Variants in SH3RF3 observed in about 807,000 individuals in gnomAD.
SH3RF3 encodes the protein E3 ubiquitin-protein ligase SH3RF3.
A neutral mutation model predicts 66.3 loss-of-function variants in SH3RF3; 29 were observed. That is an observed-to-expected ratio of 0.44 (90% CI 0.33 to 0.60). The LOEUF is 0.60. Ranked by LOEUF, SH3RF3 falls within the 20% of genes least tolerant of loss-of-function variation. The pLI is 0.04. For synonymous variants in SH3RF3, 583 were observed against 532.0 expected, an observed-to-expected ratio of 1.10 and a Z score of -1.32; for missense variants, 1,194 against 1,190.9, an observed-to-expected ratio of 1.00 and a Z score of -0.04.
intron 1 of SH3RF3, among the ~76,000 whole-genome samples, chr2:109,195,924 T>C (rs1409576744): frequency 6.6e-6 from 1 of 152,192 alleles, no homozygotes. Context: ...CATTACTGAC[T>C]GAGCACCTCG....
intron 8 of SH3RF3, among the ~76,000 whole-genome samples, chr2:109,452,369 G>GT (rs1455351447): frequency 6.6e-6 from 1 of 152,170 alleles, no homozygotes; most frequent in Non-Finnish European, 1.5e-5. Context: ...TATGGCAAAG[G>GT]TTTTTTAAAG....
rs1677423288 is a variant in SH3RF3, at chr2:109,437,058, G to A, written c.1740G>A (p.Gln580=). 5.6e-6 allele frequency: 9 copies of A among 1,613,398 alleles called. No individual in the cohort carries two copies. Among genetic ancestry groups the A allele is most frequent in the African/African-American group, 5.3e-5 (4 of 74,772 alleles). The change falls in exon 7 of 10, where the codon CAG becomes CAA. Residue 580 remains glutamine, a synonymous_variant. Transcript: ENST00000309415. ...LPITTPQAHA[Q]HPTASPPTGS... is the part of the protein sequence containing the mutation. Reference sequence around the variant, plus strand: ...TCACCACTCCCCAGGCCCACGCCCAGCACCCCACAGCCTCGCCCCCAACAG... The same window carrying A: ...TCACCACTCCCCAGGCCCACGCCCAACACCCCACAGCCTCGCCCCCAACAG...
At chr2:109,145,265 G>A (rs555278209) in intron 1 of SH3RF3, among the ~76,000 whole-genome samples, 27 of 152,244 alleles carry the variant, frequency 1.8e-4, no homozygotes, top group South Asian at 1.7e-3. Context: ...CTGTGGCCCC[G>A]GTGATTGTCT....
chr2:109,265,738 A>G (rs1229457069), intron 1 of SH3RF3, among the ~76,000 whole-genome samples: 2 of 152,244 alleles, frequency 1.3e-5, no homozygotes, highest in Non-Finnish European at 2.9e-5. Context: ...CAGGGTTTTT[A>G]TCAATAAAAA....
rs181921668 is a variant in SH3RF3, at chr2:109,297,394, A to G, written c.574-50280A>G. On this transcript the variant is annotated intron_variant, in intron 1 of 9. Transcript: ENST00000309415. ...GAGGAGAGATTCTGCCCCCCAGGGGAGCAGCCCACATAGCCGCCTGCAAGA... is the reference window on the plus strand; with the variant it reads ...GAGGAGAGATTCTGCCCCCCAGGGGGGCAGCCCACATAGCCGCCTGCAAGA... Among the ~76,000 whole-genome samples, 844 of 152,156 alleles carry G rather than the reference A, an allele frequency of 5.5e-3. 23 individuals carry two copies. Among genetic ancestry groups the G allele is most frequent in the Admixed American group, 0.049 (743 of 15,290 alleles).
rs1314056107 is a variant in SH3RF3 at position 109,320,435 on chromosome 2, C to T, written c.574-27239C>T. On this transcript the variant is annotated intron_variant, in intron 1 of 9. Coordinates refer to ENST00000309415, the MANE Select transcript of SH3RF3 (RefSeq NM_001099289.3). ...TCCTTCCTGCTGGAACCACCGCAGG[C>T]GCCCATCCTCGGCAGTGAGCCACAA... is the stretch of plus-strand genomic sequence containing the variant. Among the ~76,000 whole-genome samples the T allele has an allele frequency of 5.3e-5, 8 of 152,280 alleles. No homozygotes were observed. In the East Asian group the frequency reaches 5.8e-4, roughly 11 times the overall value.
chr2:109,214,779 G>A (rs1416621173), intron 1 of SH3RF3, among the ~76,000 whole-genome samples: 1 of 152,196 alleles, frequency 6.6e-6, no homozygotes, highest in East Asian at 1.9e-4. Flanking sequence ...TCACCCCTCT[G>A]GACTTGCGTC....
At chr2:109,226,409 G>A (rs984008540) in intron 1 of SH3RF3, among the ~76,000 whole-genome samples, 2 of 152,188 alleles carry the variant, frequency 1.3e-5, no homozygotes, top group African/African-American at 4.8e-5. Context: ...AGGAACTGGA[G>A]CCATGTGAGG....
At chr2:109,357,794 C>A (rs182018672) in intron 2 of SH3RF3, among the ~76,000 whole-genome samples, 1 of 152,148 alleles carries the variant, frequency 6.6e-6, no homozygotes, top group Non-Finnish European at 1.5e-5. Flanking sequence ...AAGTTCACAG[C>A]AAAATTGAGC....
At chr2:109,136,563 C>T (rs1336054910) in intron 1 of SH3RF3, among the ~76,000 whole-genome samples, 3 of 152,128 alleles carry the variant, frequency 2.0e-5, no homozygotes, top group African/African-American at 4.8e-5. Flanking sequence ...TTAGGCTCTC[C>T]TGGCCCTTGA....
chr2:109,413,039 G>A (rs865825483), intron 4 of SH3RF3, among the ~76,000 whole-genome samples: 15 of 152,186 alleles, frequency 9.9e-5, no homozygotes, highest in Admixed American at 2.0e-4. Context: ...AGGAGTGCAG[G>A]TTTTTCGTAT....
intron 1 of SH3RF3, among the ~76,000 whole-genome samples, chr2:109,179,003 ATG>A (rs56236635): frequency 1.1e-3 from 161 of 142,148 alleles, no homozygotes; most frequent in Middle Eastern, 3.7e-3. Context: ...AAGTATAATA[ATG>A]TGTGTGTGTG....
intron 1 of SH3RF3, among the ~76,000 whole-genome samples, chr2:109,161,472 C>T (rs888525438): frequency 6.6e-5 from 10 of 152,032 alleles, no homozygotes. Context: ...CTCCCTGGAG[C>T]ATGGTTGGGT....
At chr2:109,349,771 C>T (rs1356497405) in intron 2 of SH3RF3, among the ~76,000 whole-genome samples, 1 of 152,238 alleles carries the variant, frequency 6.6e-6, no homozygotes. Flanking sequence ...AGGCCTGCTT[C>T]TCTGGGCAGA....
intron 4 of SH3RF3, among the ~76,000 whole-genome samples, chr2:109,414,833 A>G (rs926484734): frequency 6.6e-5 from 10 of 152,158 alleles, no homozygotes; most frequent in African/African-American, 2.2e-4. Flanking sequence ...TCCTCCCTCA[A>G]CGTCCTTCAG....
intron 8 of SH3RF3, among the ~76,000 whole-genome samples, chr2:109,454,798 C>T (rs1677992337): frequency 6.6e-6 from 1 of 152,048 alleles, no homozygotes; most frequent in Non-Finnish European, 1.5e-5. Context: ...CATCTCGAAG[C>T]CTTAGGTCGA....
At chr2:109,444,836 C>T (rs1461397020) in intron 7 of SH3RF3, among the ~76,000 whole-genome samples, 1 of 152,044 alleles carries the variant, frequency 6.6e-6, no homozygotes, top group Non-Finnish European at 1.5e-5. Context: ...CCAATAAACT[C>T]AAGAGATAGG....
chr2:109,437,066 C>G lies in SH3RF3; in HGVS notation c.1748C>G (p.Thr583Arg), dbSNP rs748494139. 2 of 1,613,714 alleles carry G rather than the reference C, an allele frequency of 1.2e-6. No individual in the cohort carries two copies. The highest frequency in any genetic ancestry group is 1.7e-6 in the Non-Finnish European group (2 of 1,179,868). Residue 583 changes from threonine to arginine, a missense_variant, in exon 7 of 10, where the codon ACA becomes AGA. By Grantham distance (71) the Thr-to-Arg change is moderately conservative. Transcript: ENST00000309415. The part of the protein sequence containing the change: ...TTPQAHAQHP[T>R]ASPPTGSCLR... ...CCCCAGGCCCACGCCCAGCACCCCA[C>G]AGCCTCGCCCCCAACAGGCAGCTGT...
At chr2:109,492,341 T>C (rs926156971) in intron 9 of SH3RF3, among the ~76,000 whole-genome samples, 1 of 152,192 alleles carries the variant, frequency 6.6e-6, no homozygotes, top group African/African-American at 2.4e-5. Flanking sequence ...CCTATGGGGC[T>C]AGGCCTGGGG....
Sources: gnomAD v4.1 joint callset for allele counts (sites outside exome capture counted in the v4.1 genomes callset) on GRCh38, gnomAD v4.1.1 for gene constraint, MANE v1.5 for transcripts, NCBI Gene and HGNC (gene_info 2026-07-23, HGNC 2026-07-21) for gene names.